CHD8: variants seen among roughly 807,000 people sequenced by gnomAD.
CHD8 encodes the protein chromodomain helicase DNA binding protein 8, also known as ATP-dependent chromatin remodeler CHD8.
CHD8 carries 31 observed loss-of-function variants against 279.2 expected under a neutral mutation model. That is an observed-to-expected ratio of 0.11 (90% CI 0.08 to 0.15). The LOEUF (loss-of-function observed/expected upper bound fraction) is 0.15. Among genes scored for constraint, CHD8 ranks in the 10% least tolerant of loss-of-function variants. CHD8 has a pLI of 1.00. For synonymous variants in CHD8, 1,081 were observed against 1,139.6 expected (o/e 0.95, Z 1.04); for missense variants, 2,146 against 3,230.5 (o/e 0.66, Z 8.14).
At chr14:21,399,325 C>G (rs1887931539) in intron 26 of CHD8, 1 of 395,496 alleles carries the variant, frequency 2.5e-6, no homozygotes, top group Non-Finnish European at 4.7e-6. Context: ...CCCTAACTTA[C>G]CATAGCATAC....
intron 34 of CHD8, 21 bp from the exon 35 acceptor site, chr14:21,391,967 C>G: frequency 2.7e-6 from 4 of 1,496,024 alleles, no homozygotes; most frequent in South Asian, 2.3e-5. Context: ...AACCCACCCA[C>G]CCAAGACATC....
intron 5 of CHD8, among the ~76,000 whole-genome samples, chr14:21,421,270 C>T (rs535695694): frequency 6.6e-6 from 1 of 152,172 alleles, no homozygotes; most frequent in East Asian, 1.9e-4. Flanking sequence ...CACACACAGA[C>T]ACACATACAT....
chr14:21,413,544 G>T (rs1035098965), intron 9 of CHD8, among the ~76,000 whole-genome samples: 1 of 151,846 alleles, frequency 6.6e-6, no homozygotes, highest in African/African-American at 2.4e-5. Context: ...ACAGGTGCCC[G>T]CCACTATGAC....
intron 1 of CHD8, among the ~76,000 whole-genome samples, chr14:21,453,503 C>CAATG (rs760802186): frequency 5.3e-5 from 8 of 151,826 alleles, no homozygotes; most frequent in Admixed American, 6.5e-5. Flanking sequence ...GATAGTCTGT[C>CAATG]AATGAATCAA....
intron 1 of CHD8, among the ~76,000 whole-genome samples, chr14:21,444,448 G>T (rs1202533113): frequency 6.6e-6 from 1 of 152,060 alleles, no homozygotes; most frequent in African/African-American, 2.4e-5. Context: ...AGGTGAACAG[G>T]AATAGCTACA....
At chr14:21,414,680 C>T (rs894969393) in intron 8 of CHD8, 6 of 595,144 alleles carry the variant, frequency 1.0e-5, no homozygotes, top group Non-Finnish European at 1.5e-5. Context: ...GTAGCAAGAT[C>T]TTAGTGCTAA....
At chr14:21,398,069 G>C (rs375055097) in intron 26 of CHD8, 117 bp from the exon 27 acceptor site, 10 of 941,218 alleles carry the variant, frequency 1.1e-5, no homozygotes, top group Non-Finnish European at 1.5e-5. Flanking sequence ...GGAAAACAAA[G>C]TTAGAATGTT....
At chr14:21,401,337 G>T in intron 21 of CHD8, 66 bp downstream of exon 21, 2 of 930,532 alleles carry the variant, frequency 2.1e-6, no homozygotes, top group Non-Finnish European at 1.6e-6. Flanking sequence ...AATCAGAGTA[G>T]CTGTAAAGAC....
chr14:21,409,352 A>G (rs1464033209), intron 11 of CHD8, among the ~76,000 whole-genome samples: 5 of 152,228 alleles, frequency 3.3e-5, no homozygotes, highest in Admixed American at 6.5e-5. Context: ...TGAGAAAATT[A>G]TAACGGAGGG....
intron 27 of CHD8, chr14:21,397,234 A>G: frequency 2.2e-6 from 1 of 458,830 alleles, no homozygotes; most frequent in Non-Finnish European, 4.5e-6. Context: ...ATCGTCAAAG[A>G]GAAATTTCTC....
At position 21,428,945 on chromosome 14, in the gene CHD8, T is replaced by C; in HGVS notation, c.1215+19A>G. 1 of 1,612,682 alleles carries C rather than the reference T, an allele frequency of 6.2e-7. No homozygotes were observed. The highest frequency in any genetic ancestry group is 1.3e-5 in the African/African-American group (1 of 74,968). On this transcript the variant is annotated intron_variant, in intron 3 of 37. Coordinates refer to ENST00000646647, the MANE Select transcript of CHD8 (RefSeq NM_001170629.2). ...GTATTTTTGTTTTCTTTCTTTTCCTTACTATGTAAGTCTCTCACCTGTGGC... is the reference window on the plus strand; with the variant it reads ...GTATTTTTGTTTTCTTTCTTTTCCTCACTATGTAAGTCTCTCACCTGTGGC...
chr14:21,452,586 G>A (rs1334949216), intron 1 of CHD8, among the ~76,000 whole-genome samples: 1 of 152,072 alleles, frequency 6.6e-6, no homozygotes, highest in East Asian at 1.9e-4. Flanking sequence ...GGAGGTTGCA[G>A]TAAGCCGAGA....
At chr14:21,419,774 G>A (rs1594365421) in intron 5 of CHD8, 2 of 347,648 alleles carry the variant, frequency 5.8e-6, no homozygotes, top group East Asian at 1.8e-4. Context: ...TCTACGACTA[G>A]AAATTCCTGG....
At chr14:21,450,848 C>T (rs1254537069) in intron 1 of CHD8, among the ~76,000 whole-genome samples, 2 of 150,234 alleles carry the variant, frequency 1.3e-5, no homozygotes, top group Admixed American at 6.6e-5. Flanking sequence ...TTACTCATCA[C>T]TGGAATATTG....
chr14:21,401,011 T>C lies in CHD8; in HGVS notation c.4234A>G (p.Lys1412Glu), dbSNP rs200990367. ...GAGAATTCCACCAGGTCATCATCTT[T>C]CAGAGTGCTAAAGTGGCGCGTTTGT... is the stretch of plus-strand genomic sequence containing the variant. ...RKQTRHFSTL[K>E]DDDLVEFSDL... is the part of the protein sequence containing the mutation. The change falls in exon 22 of 38, where the codon AAA (lysine) becomes GAA (glutamate). Residue 1412 changes from lysine (K) to glutamate (E), a missense_variant. Lys to Glu is a moderately conservative substitution (Grantham distance 56, BLOSUM62 1). This residue lies in a region of CHD8 where 74 missense variants were observed against 91.5 expected (regional missense o/e 0.81). Coordinates refer to ENST00000646647, the MANE Select transcript of CHD8 (RefSeq NM_001170629.2). 83 of 1,613,880 alleles carry C rather than the reference T, an allele frequency of 5.1e-5. No homozygotes were observed. Among genetic ancestry groups the C allele is most frequent in the Non-Finnish European group, 2.5e-6 (3 of 1,179,892 alleles).
Position 21,403,383 on chromosome 14 carries a change from C to G in CHD8, c.3518+70G>C, listed in dbSNP as rs1888117158. Reference sequence around the variant, plus strand: ...TGCAATTGGTGAACTCTAATTAAATCCAGGCCCTCCTACTTTTTGCTGCTT... The same window carrying G: ...TGCAATTGGTGAACTCTAATTAAATGCAGGCCCTCCTACTTTTTGCTGCTT... On this transcript the variant is annotated intron_variant, in intron 17 of 37. Coordinates refer to ENST00000646647, the MANE Select transcript of CHD8 (RefSeq NM_001170629.2). This position sits in a 1 kb window ranked among gnomAD's most constrained non-coding sequence, Gnocchi z 4.3. The G allele has an allele frequency of 7.4e-7, 1 of 1,345,840 alleles. No individual in the cohort carries two copies. Among genetic ancestry groups the G allele is most frequent in the Non-Finnish European group, 1.0e-6 (1 of 963,688 alleles). 83.4% of individuals were successfully genotyped at this position (1,345,840 alleles called of 1,614,324 possible).
At chr14:21,416,011 T>C (rs1594360135) in intron 5 of CHD8, 104 bp from the exon 6 acceptor site, 1 of 952,474 alleles carries the variant, frequency 1.0e-6, no homozygotes, top group African/African-American at 1.6e-5. Flanking sequence ...CTCCAAAATT[T>C]TCATGAAAAA....
intron 35 of CHD8, 54 bp from the exon 36 acceptor site, chr14:21,391,696 G>A (rs993841017): frequency 2.0e-6 from 3 of 1,515,782 alleles, no homozygotes; most frequent in Non-Finnish European, 2.7e-6. Flanking sequence ...GGGGGAGGGA[G>A]GGAGGGGGAG....
chr14:21,392,740 G>T lies in CHD8; in HGVS notation c.6538C>A (p.Arg2180Ser). The change falls in exon 34 of 38, where the codon CGT becomes AGT. Residue 2180 changes from arginine (R) to serine (S), a missense_variant. Coordinates refer to ENST00000646647, the MANE Select transcript of CHD8 (RefSeq NM_001170629.2). Reference protein sequence around the residue: ...AVLSGKWPSSRRSQEMVTGGI... With the variant: ...AVLSGKWPSSSRSQEMVTGGI... ...CCTGTTACCATTTCCTGGCTCCTACGGCTAGAAGGCCACTTCCCTGAGAGT... is the reference window on the plus strand; with the variant it reads ...CCTGTTACCATTTCCTGGCTCCTACTGCTAGAAGGCCACTTCCCTGAGAGT... 1 of 1,613,924 alleles carries T rather than the reference G, an allele frequency of 6.2e-7. No individual in the cohort carries two copies. Among genetic ancestry groups the T allele is most frequent in the Non-Finnish European group, 8.5e-7 (1 of 1,179,890 alleles).
Sources: allele counts gnomAD v4.1 joint callset (sites outside exome capture counted in the v4.1 genomes callset), GRCh38; gene constraint gnomAD v4.1.1; regional missense constraint gnomAD v4.1.1; non-coding constraint Gnocchi (gnomAD v3.1); transcripts MANE v1.5; gene names NCBI Gene and HGNC (gene_info 2026-07-23, HGNC 2026-07-21).